The following RALYL variants were observed in gnomAD, a reference collection of about 807,000 sequenced individuals.
RALYL encodes RALY RNA binding protein like, also known as RNA-binding Raly-like protein.
A neutral mutation model predicts 35.1 loss-of-function variants in RALYL; 29 were observed. The ratio of observed to expected loss-of-function variants is 0.83; its 90% CI spans 0.61 to 1.13. RALYL has a LOEUF of 1.13. Ranked by LOEUF, RALYL falls within the 50% of genes most tolerant of loss-of-function variation. The pLI is 0.00. For missense variants in RALYL, 359 were observed against 360.4 expected (o/e 1.00, Z 0.03); for synonymous variants, 120 against 127.6 (o/e 0.94, Z 0.40).
At chr8:84,328,028 T>C (rs1332254827) in intron 1 of RALYL, among the ~76,000 whole-genome samples, 4 of 152,200 alleles carry the variant, frequency 2.6e-5, no homozygotes, top group Non-Finnish European at 5.9e-5. Flanking sequence ...AGTGAAAGCA[T>C]GGATGGGCTT....
intron 2 of RALYL, among the ~76,000 whole-genome samples, chr8:84,576,186 A>T (rs1220494222): frequency 2.0e-5 from 3 of 152,146 alleles, no homozygotes; most frequent in African/African-American, 7.2e-5. Context: ...TTAAAACTGT[A>T]TTTTGGACTG....
intron 5 of RALYL, among the ~76,000 whole-genome samples, chr8:84,854,864 G>C (rs987187482): frequency 2.1e-4 from 32 of 152,162 alleles, no homozygotes; most frequent in African/African-American, 6.5e-4. Flanking sequence ...CTGTTCAGAT[G>C]GTGCTGCTGT....
intron 1 of RALYL, among the ~76,000 whole-genome samples, chr8:84,489,818 A>G (rs539660123): frequency 1.3e-5 from 2 of 152,168 alleles, no homozygotes; most frequent in East Asian, 3.9e-4. Context: ...GAAAGACCCA[A>G]AGTGCATGGA....
chr8:84,864,755 G>T, intron 6 of RALYL: 1 of 600,182 alleles, frequency 1.7e-6, no homozygotes, highest in Non-Finnish European at 3.2e-6. Flanking sequence ...GGTTTACATG[G>T]TAGAAAACAG....
chr8:84,799,688 G>C (rs1822750471), intron 3 of RALYL, among the ~76,000 whole-genome samples: 1 of 152,224 alleles, frequency 6.6e-6, no homozygotes, highest in Admixed American at 6.5e-5. Context: ...CGGGTGCGCT[G>C]GCTCACGCCT....
rs940457862 is a variant in RALYL at position 84,355,855 on chromosome 8, A to G, written c.-24+171431A>G. ...GTTTTTGGCATTAACAGCTAGGTGAATGGTGGTATGAAATATAGAATGATA... is the reference window on the plus strand; with the variant it reads ...GTTTTTGGCATTAACAGCTAGGTGAGTGGTGGTATGAAATATAGAATGATA... On this transcript the variant is annotated intron_variant, in intron 1 of 8. Coordinates refer to ENST00000521268, the MANE Select transcript of RALYL (RefSeq NM_173848.7). 1.3e-5 allele frequency among the ~76,000 whole-genome samples: 2 copies of G among 150,232 alleles called. 1 individual carries two copies. Among genetic ancestry groups the G allele is most frequent in the African/African-American group, 5.0e-5 (2 of 40,368 alleles).
intron 1 of RALYL, among the ~76,000 whole-genome samples, chr8:84,414,484 T>C (rs16912801): frequency 0.029 from 4,464 of 152,236 alleles, 217 homozygotes; most frequent in African/African-American, 0.1. Context: ...AAGTAAATAT[T>C]TTAACTGGTG....
chr8:84,734,602 C>A (rs1448794622), intron 2 of RALYL, among the ~76,000 whole-genome samples: 1 of 151,990 alleles, frequency 6.6e-6, no homozygotes, highest in East Asian at 1.9e-4. Flanking sequence ...CATTGTACTA[C>A]CTGGTGATAT....
rs528033810 is a variant in RALYL, at chr8:84,203,313, A to T, written c.-24+18889A>T. On this transcript the variant is annotated intron_variant, in intron 1 of 8. Coordinates refer to ENST00000521268, the MANE Select transcript of RALYL (RefSeq NM_173848.7). ...TTTTTTCTTCTCACTTGAGTGAATC[A>T]CTATAGAATTCTGGAAAGTACAGGA... 6.0e-5 allele frequency among the ~76,000 whole-genome samples: 9 copies of T among 150,330 alleles called. No homozygotes were observed. In the South Asian group the frequency reaches 1.7e-3, roughly 28 times the overall value.
At chr8:84,855,734 AG>A (rs1458260198) in intron 5 of RALYL, among the ~76,000 whole-genome samples, 5 of 152,236 alleles carry the variant, frequency 3.3e-5, no homozygotes, top group Non-Finnish European at 7.3e-5. Context: ...CTGCAATGTT[AG>A]CTGTCTAAAT....
intron 2 of RALYL, among the ~76,000 whole-genome samples, chr8:84,754,974 G>T (rs1431787537): frequency 3.3e-5 from 5 of 152,148 alleles, no homozygotes; most frequent in Non-Finnish European, 5.9e-5. Flanking sequence ...CAAGTTTGCA[G>T]TCTTACAAGA....
intron 1 of RALYL, among the ~76,000 whole-genome samples, chr8:84,326,469 T>C (rs1586307097): frequency 6.6e-6 from 1 of 152,300 alleles, no homozygotes; most frequent in East Asian, 1.9e-4. Context: ...CTTTCCTGAA[T>C]TGAAGTAATC....
chr8:84,378,502 T>C (rs569498745), intron 1 of RALYL, among the ~76,000 whole-genome samples: 50 of 152,048 alleles, frequency 3.3e-4, no homozygotes, highest in African/African-American at 1.2e-3. Flanking sequence ...TTCAATTTCA[T>C]AGAAACTAGT....
intron 2 of RALYL, among the ~76,000 whole-genome samples, chr8:84,773,387 G>A (rs1286464677): frequency 6.6e-6 from 1 of 152,102 alleles, no homozygotes; most frequent in Non-Finnish European, 1.5e-5. Context: ...TTTCCTTTCT[G>A]TCAAAATAAT....
Position 84,617,998 on chromosome 8 carries a change from C to T in RALYL, c.256+88421C>T, listed in dbSNP as rs890514235. Among the ~76,000 whole-genome samples the T allele has an allele frequency of 6.6e-3, 1,008 of 151,770 alleles. 36 individuals carry two copies. The highest frequency in any genetic ancestry group is 0.023 in the African/African-American group (927 of 41,154). On this transcript the variant is annotated intron_variant, in intron 2 of 8. Coordinates refer to ENST00000521268, the MANE Select transcript of RALYL (RefSeq NM_173848.7). ...TGTGCTGCTGGATTCGTTTTGCCAGCATTTTATTGAGGATTTTTGCATTAA... is the reference window on the plus strand; with the variant it reads ...TGTGCTGCTGGATTCGTTTTGCCAGTATTTTATTGAGGATTTTTGCATTAA...
At chr8:84,349,595 C>T (rs749206735) in intron 1 of RALYL, among the ~76,000 whole-genome samples, 1 of 150,240 alleles carries the variant, frequency 6.7e-6, no homozygotes, top group Non-Finnish European at 1.5e-5. Context: ...TTCTCTCCCC[C>T]CACCTACCCT....
intron 1 of RALYL, among the ~76,000 whole-genome samples, chr8:84,476,031 C>T (rs2053367352): frequency 6.6e-6 from 1 of 152,110 alleles, no homozygotes; most frequent in Non-Finnish European, 1.5e-5. Flanking sequence ...TACTACATTT[C>T]AGGGATAAAA....
chr8:84,299,258 G>T (rs2132335377), intron 1 of RALYL, among the ~76,000 whole-genome samples: 1 of 152,160 alleles, frequency 6.6e-6, no homozygotes, highest in South Asian at 2.1e-4. Context: ...CTGCTTATGT[G>T]ATGAATCACA....
chr8:84,826,758 G>A (rs562172488), intron 4 of RALYL, among the ~76,000 whole-genome samples: 18 of 151,358 alleles, frequency 1.2e-4, no homozygotes, highest in Admixed American at 2.6e-4. Context: ...ACACACATAC[G>A]CCCAAACACA....
Sources: gnomAD v4.1 joint callset for allele counts (sites outside exome capture counted in the v4.1 genomes callset) on GRCh38, gnomAD v4.1.1 for gene constraint, MANE v1.5 for transcripts, NCBI Gene and HGNC (gene_info 2026-07-23, HGNC 2026-07-21) for gene names.